The following BAG4 variants were observed in gnomAD, a reference collection of about 807,000 sequenced individuals.
BAG4 encodes BAG cochaperone 4, also known as BAG family molecular chaperone regulator 4.
Under a neutral mutation model 52.1 loss-of-function variants are expected in BAG4, and 28 were observed. The ratio of observed to expected loss-of-function variants is 0.54; its 90% CI spans 0.40 to 0.74. BAG4 has a LOEUF of 0.74. BAG4 is among the 30% of genes least tolerant of loss of function. BAG4 has a pLI of 0.00. For synonymous variants in BAG4, 208 were observed against 217.0 expected (o/e 0.96, Z 0.37); for missense variants, 525 against 572.0 (o/e 0.92, Z 0.84).
chr8:38,193,825 G>A (rs978712746), intron 2 of BAG4, among the ~76,000 whole-genome samples: 2 of 149,430 alleles, frequency 1.3e-5, no homozygotes, highest in Non-Finnish European at 3.0e-5. Context: ...TGCAGCCTCC[G>A]CCTCCTGGGT....
intron 2 of BAG4, among the ~76,000 whole-genome samples, chr8:38,198,444 A>G (rs1286281325): frequency 1.4e-5 from 2 of 138,888 alleles, no homozygotes; most frequent in Non-Finnish European, 3.1e-5. Context: ...TCCTTATTCT[A>G]TTAAGCTTTT....
intron 1 of BAG4, among the ~76,000 whole-genome samples, chr8:38,180,783 TTTA>T (rs1803250914): frequency 6.6e-6 from 1 of 152,104 alleles, no homozygotes; most frequent in African/African-American, 2.4e-5. Flanking sequence ...ACTGCTGCAA[TTTA>T]TTAAGATCCC....
At chr8:38,178,109 C>A (rs549348207) in intron 1 of BAG4, among the ~76,000 whole-genome samples, 20 of 151,878 alleles carry the variant, frequency 1.3e-4, no homozygotes, top group Middle Eastern at 3.4e-3. Flanking sequence ...CGCCCATGTT[C>A]ATAGCATCAT....
chr8:38,186,790 T>G (rs1803372245), intron 1 of BAG4, among the ~76,000 whole-genome samples: 1 of 152,204 alleles, frequency 6.6e-6, no homozygotes, highest in Non-Finnish European at 1.5e-5. Context: ...CAAGGAAAGA[T>G]ACACTCAAAG....
chr8:38,189,294 G>GA (rs1219893341), intron 1 of BAG4, among the ~76,000 whole-genome samples: 7 of 152,142 alleles, frequency 4.6e-5, no homozygotes, highest in African/African-American at 2.4e-5. Flanking sequence ...AGTAAAACTT[G>GA]AAAATAAGAA....
chr8:38,211,865 T>C lies in BAG4; in HGVS notation c.*1372T>C, dbSNP rs1424023336. The stretch of plus-strand genomic sequence containing the variant: ...AGACTTAGGTAAATAACTTTTTATG[T>C]CTGAGGTGAGTACACAATATTGGTT... On this transcript the variant is annotated 3_prime_UTR_variant, in exon 5 of 5. Transcript: ENST00000287322. The C allele has an allele frequency of 1.3e-5, 2 of 152,144 alleles. No homozygotes were observed. The highest frequency in any genetic ancestry group is 2.9e-5 in the Non-Finnish European group (2 of 67,990). 9.4% of individuals were successfully genotyped at this position (152,144 alleles called of 1,614,324 possible). A position where few individuals can be genotyped will look rare whatever the true frequency, so the allele number is the denominator to read the frequency against.
chr8:38,192,532 G>A (rs866155328), intron 1 of BAG4, among the ~76,000 whole-genome samples, 156 bp from the exon 2 acceptor site: 10 of 151,470 alleles, frequency 6.6e-5, no homozygotes, highest in African/African-American at 1.9e-4. Context: ...CTCAGCCTCC[G>A]CAGTAGTGGG....
At chr8:38,191,161 A>G (rs1219364452) in intron 1 of BAG4, among the ~76,000 whole-genome samples, 1 of 152,190 alleles carries the variant, frequency 6.6e-6, no homozygotes, top group Non-Finnish European at 1.5e-5. Context: ...TTATTCTTAT[A>G]TCTGTGTCTC....
At position 38,210,386 on chromosome 8, in the gene BAG4, C is replaced by G; in HGVS notation, c.1267C>G (p.Leu423Val). The G allele has an allele frequency of 6.2e-7, 1 of 1,614,104 alleles. No individual in the cohort carries two copies. The highest frequency in any genetic ancestry group is 8.5e-7 in the Non-Finnish European group (1 of 1,180,028). The change falls in exon 5 of 5, where the codon CTG becomes GTG. Residue 423 changes from leucine (L) to valine (V), a missense_variant. Around this residue, in one of 2 missense-constraint regions of BAG4, gnomAD observed 238 missense variants for 305.8 expected, o/e 0.78. Coordinates refer to ENST00000287322, the MANE Select transcript of BAG4 (RefSeq NM_004874.4). ...AATGCTAACCAAGGAACTTTTGGAA[C>G]TGGATTCAGTTGAAACTGGGGGCCA... ...EEMLTKELLE[L>V]DSVETGGQDS...
At chr8:38,193,418 A>C (rs1803508941) in intron 2 of BAG4, among the ~76,000 whole-genome samples, 1 of 152,188 alleles carries the variant, frequency 6.6e-6, no homozygotes, top group African/African-American at 2.4e-5. Context: ...ACTCCGTCTC[A>C]AAACAAAAAA....
intron 1 of BAG4, among the ~76,000 whole-genome samples, chr8:38,182,000 G>A (rs1320804603): frequency 2.0e-5 from 3 of 151,952 alleles, no homozygotes; most frequent in South Asian, 2.1e-4. Context: ...GAGCAGAGGG[G>A]CATTGACAGC....
At chr8:38,192,954 G>A (rs1445646810) in intron 2 of BAG4, among the ~76,000 whole-genome samples, 159 bp downstream of exon 2, 1 of 151,998 alleles carries the variant, frequency 6.6e-6, no homozygotes, top group Non-Finnish European at 1.5e-5. Flanking sequence ...TCAGAGATAA[G>A]GAAATATCTA....
chr8:38,184,428 C>T (rs1803327782), intron 1 of BAG4, among the ~76,000 whole-genome samples: 1 of 151,896 alleles, frequency 6.6e-6, no homozygotes, highest in Admixed American at 6.6e-5. Context: ...GATTGTGCCA[C>T]TGCACTCCAG....
At chr8:38,183,157 A>T (rs1803302415) in intron 1 of BAG4, among the ~76,000 whole-genome samples, 1 of 145,226 alleles carries the variant, frequency 6.9e-6, no homozygotes, top group Admixed American at 7.3e-5. Context: ...CCATTCTCCC[A>T]CTTCAGCCTC....
At chr8:38,181,762 G>A (rs1035001511) in intron 1 of BAG4, among the ~76,000 whole-genome samples, 10 of 151,512 alleles carry the variant, frequency 6.6e-5, no homozygotes, top group African/African-American at 2.4e-4. Flanking sequence ...AAAATTAGCC[G>A]GGCGTGGTGG....
intron 1 of BAG4, among the ~76,000 whole-genome samples, chr8:38,182,886 CT>C (rs1480482303): frequency 6.6e-6 from 1 of 151,838 alleles, no homozygotes; most frequent in Non-Finnish European, 1.5e-5. Flanking sequence ...TGAGGACATT[CT>C]TTTTTTCATT....
At position 38,176,979 on chromosome 8, in the gene BAG4, A is replaced by G. The variant is rs1277574511; in HGVS notation, c.110A>G (p.Tyr37Cys). 1.9e-6 allele frequency: 3 copies of G among 1,583,644 alleles called. No individual in the cohort carries two copies. Among genetic ancestry groups the G allele is most frequent in the South Asian group, 2.3e-5 (2 of 87,056 alleles). ...CCGGTACACCCACCTCCACCCTTATATCCTCTTCGCCCTGAACCTCCCCAG... is the reference window on the plus strand; with the variant it reads ...CCGGTACACCCACCTCCACCCTTATGTCCTCTTCGCCCTGAACCTCCCCAG... Reference protein sequence around the residue: ...DVPVHPPPPLYPLRPEPPQPP... With the variant: ...DVPVHPPPPLCPLRPEPPQPP... Residue 37 changes from tyrosine to cysteine, a missense_variant, in exon 1 of 5, where the codon TAT becomes TGT. Physicochemically the swap from Tyr to Cys is radical, Grantham distance 194. Around this residue, in one of 2 missense-constraint regions of BAG4, gnomAD observed 287 missense variants for 266.1 expected, o/e 1.08. Coordinates refer to ENST00000287322, the MANE Select transcript of BAG4 (RefSeq NM_004874.4).
chr8:38,209,284 T>C lies in BAG4; in HGVS notation c.888+17T>C, dbSNP rs1803828762. 1.9e-6 allele frequency: 3 copies of C among 1,614,070 alleles called. No individual in the cohort carries two copies. The South Asian group carries it at 3.3e-5, about 18-fold the overall frequency. ...CAGCCCAAGGTAGGAGACCTAAATG[T>C]TGTTCCTTTAATGTGTGTGTAATTA... On this transcript the variant is annotated intron_variant, in intron 4 of 4. Coordinates refer to ENST00000287322, the MANE Select transcript of BAG4 (RefSeq NM_004874.4).
intron 1 of BAG4, among the ~76,000 whole-genome samples, chr8:38,192,030 C>T (rs990935882): frequency 1.3e-5 from 2 of 152,056 alleles, no homozygotes; most frequent in Non-Finnish European, 2.9e-5. Flanking sequence ...AGGCTGCCAG[C>T]GGAAAGCTTA....
Sources: gnomAD v4.1 joint callset for allele counts (sites outside exome capture counted in the v4.1 genomes callset) on GRCh38, gnomAD v4.1.1 for gene constraint, gnomAD v4.1.1 regional missense constraint, MANE v1.5 for transcripts, NCBI Gene and HGNC (gene_info 2026-07-23, HGNC 2026-07-21) for gene names.